Variants in XRN1 observed in about 807,000 individuals in gnomAD.
XRN1 encodes strand-exchange protein 1 homolog.
In XRN1, 67 loss-of-function variants were observed where a neutral mutation model predicts 222.3. That is an observed-to-expected ratio of 0.30 (90% confidence interval 0.25 to 0.37). The LOEUF (loss-of-function observed/expected upper bound fraction) is 0.37. Ranked by LOEUF, XRN1 falls within the 10% of genes least tolerant of loss-of-function variation. The pLI is 1.00. For synonymous variants in XRN1, 643 were observed against 652.4 expected (o/e 0.99, Z 0.22); for missense variants, 1,707 against 2,000.2 (o/e 0.85, Z 2.80).
intron 25 of XRN1, among the ~76,000 whole-genome samples, chr3:142,374,062 G>A (rs181047648): frequency 3.9e-5 from 6 of 152,170 alleles, no homozygotes; most frequent in African/African-American, 1.4e-4. Flanking sequence ...GCAAACTATC[G>A]ATCAAGTGCA....
At chr3:142,371,513 C>A (rs954857226) in intron 25 of XRN1, among the ~76,000 whole-genome samples, 185 bp from the exon 26 acceptor site, 2 of 151,996 alleles carry the variant, frequency 1.3e-5, no homozygotes, top group African/African-American at 4.8e-5. Flanking sequence ...TACTCCTAGA[C>A]CCTCAAAAAA....
chr3:142,332,895 T>G, intron 35 of XRN1, 72 bp downstream of exon 35: 3 of 1,558,432 alleles, frequency 1.9e-6, no homozygotes, highest in Non-Finnish European at 2.6e-6. Flanking sequence ...TTTGAACACT[T>G]GCATGGGATA....
At chr3:142,408,269 C>T (rs562577872) in intron 15 of XRN1, among the ~76,000 whole-genome samples, 4 of 152,310 alleles carry the variant, frequency 2.6e-5, no homozygotes, top group East Asian at 3.9e-4. Flanking sequence ...AGGCCTGGGG[C>T]CCATTTGGGG....
At chr3:142,404,040 T>C in intron 16 of XRN1, 51 bp from the exon 17 acceptor site, 7 of 1,427,720 alleles carry the variant, frequency 4.9e-6, no homozygotes. Flanking sequence ...TTACAAACAA[T>C]TACAGTTTTT....
intron 12 of XRN1, 64 bp from the exon 13 acceptor site, chr3:142,417,293 G>T: frequency 7.6e-7 from 1 of 1,307,854 alleles, no homozygotes; most frequent in Non-Finnish European, 1.1e-6. Context: ...TTTAGAGCAC[G>T]GTATCTGCTG....
At chr3:142,422,451 T>C (rs1469647401) in intron 8 of XRN1, 131 bp downstream of exon 8, 3 of 982,922 alleles carry the variant, frequency 3.1e-6, no homozygotes, top group Admixed American at 5.5e-5. Context: ...GTTAGCACCT[T>C]AGACCAAAAT....
intron 27 of XRN1, among the ~76,000 whole-genome samples, chr3:142,366,930 T>C (rs1018233937): frequency 6.6e-6 from 1 of 152,122 alleles, no homozygotes; most frequent in African/African-American, 2.4e-5. Context: ...CCAACCCATA[T>C]CTAATGTATG....
intron 32 of XRN1, among the ~76,000 whole-genome samples, chr3:142,348,672 A>C (rs1002592803): frequency 1.3e-5 from 2 of 152,220 alleles, no homozygotes; most frequent in South Asian, 4.1e-4. Flanking sequence ...CACTGGGTAC[A>C]AAGACACAAC....
intron 20 of XRN1, among the ~76,000 whole-genome samples, chr3:142,393,229 T>G (rs1438808655): frequency 6.8e-6 from 1 of 147,762 alleles, no homozygotes; most frequent in Non-Finnish European, 1.5e-5. Context: ...ATATTAGCCC[T>G]TTGTCAGATG....
intron 13 of XRN1, among the ~76,000 whole-genome samples, chr3:142,415,790 G>A (rs1430621247): frequency 6.6e-6 from 1 of 152,168 alleles, no homozygotes; most frequent in Non-Finnish European, 1.5e-5. Context: ...TAGCACAGGT[G>A]CTTTGAACAA....
Position 142,340,345 on chromosome 3 carries a change from A to G in XRN1, c.3878-4836T>C, listed in dbSNP as rs183955668. Among the ~76,000 whole-genome samples the G allele has an allele frequency of 4.2e-3, 640 of 152,008 alleles. 12 individuals carry two copies. Among genetic ancestry groups the G allele is most frequent in the African/African-American group, 0.015 (620 of 41,466 alleles). ...ACTCCAGCCTGGGCAATAAAAGTGA[A>G]ACTCCATCTCAAAAACAACCACACA... On this transcript the variant is annotated intron_variant, in intron 33 of 40. Transcript: ENST00000392981.
At chr3:142,335,959 T>C (rs370796440) in intron 33 of XRN1, among the ~76,000 whole-genome samples, 1 of 152,208 alleles carries the variant, frequency 6.6e-6, no homozygotes, top group Non-Finnish European at 1.5e-5. Context: ...TTTAAGCAGG[T>C]AGTAATCTGA....
intron 33 of XRN1, among the ~76,000 whole-genome samples, chr3:142,340,863 T>C (rs2065973501): frequency 6.6e-6 from 1 of 152,118 alleles, no homozygotes; most frequent in Admixed American, 6.5e-5. Context: ...ATAAAGACTT[T>C]CTCAAACAAA....
intron 39 of XRN1, among the ~76,000 whole-genome samples, chr3:142,313,430 G>C (rs1035683262): frequency 6.6e-6 from 1 of 152,156 alleles, no homozygotes; most frequent in South Asian, 2.1e-4. Context: ...CCTGGAGTTT[G>C]TATTAAGCTC....
intron 20 of XRN1, among the ~76,000 whole-genome samples, chr3:142,396,164 GGTATCAATACATTGATATTCAC>G (rs1179355614): frequency 1.3e-5 from 2 of 151,944 alleles, no homozygotes; most frequent in African/African-American, 4.8e-5. Context: ...TATTATGGCA[GGTATCAATACATTGATATTCAC>G]ATATCAATGT....
chr3:142,429,353 T>C lies in XRN1; in HGVS notation c.309-2512A>G, dbSNP rs182271117. 1.3e-3 allele frequency among the ~76,000 whole-genome samples: 193 copies of C among 152,096 alleles called. 1 individual carries two copies. The East Asian group carries it at 0.013, about 10-fold the overall frequency. ...TTAGTAGAGACGGGGTTTCACCACC[T>C]TGGCTAGGCTGATCTTGAACTCCTG... On this transcript the variant is annotated intron_variant, in intron 2 of 40. Coordinates refer to ENST00000392981, the MANE Select transcript of XRN1 (RefSeq NM_001282857.2).
At chr3:142,433,774 T>A (rs1347135105) in intron 1 of XRN1, among the ~76,000 whole-genome samples, 2 of 152,188 alleles carry the variant, frequency 1.3e-5, no homozygotes, top group Non-Finnish European at 2.9e-5. Context: ...TACTTTGAAT[T>A]TTTTCCTTGT....
chr3:142,321,104 CCTTT>C (rs2065340471), intron 37 of XRN1, among the ~76,000 whole-genome samples: 2 of 132,582 alleles, frequency 1.5e-5, no homozygotes, highest in South Asian at 2.3e-4. Context: ...TCATCCACTT[CCTTT>C]TTTTTTTTTT....
intron 22 of XRN1, among the ~76,000 whole-genome samples, chr3:142,381,619 G>A (rs573939324): frequency 2.1e-5 from 3 of 144,962 alleles, no homozygotes; most frequent in South Asian, 4.4e-4. Flanking sequence ...CAAGGCTGGA[G>A]TGCAGTGGTA....
Sources: gnomAD v4.1 joint callset for allele counts (sites outside exome capture counted in the v4.1 genomes callset) on GRCh38, gnomAD v4.1.1 for gene constraint, MANE v1.5 for transcripts, NCBI Gene and HGNC (gene_info 2026-07-23, HGNC 2026-07-21) for gene names.